CDK19: variants seen among roughly 807,000 people sequenced by gnomAD.
The protein encoded by CDK19 is cyclin-dependent kinase 19.
A neutral mutation model predicts 68.3 loss-of-function variants in CDK19; 20 were observed. The ratio of observed to expected loss-of-function variants is 0.29; its 90% CI spans 0.21 to 0.43. The LOEUF is 0.43. Ranked by LOEUF, CDK19 falls within the 20% of genes least tolerant of loss-of-function variation. The pLI, the probability that CDK19 is intolerant of heterozygous loss-of-function variation, is 1.00. For synonymous variants in CDK19, 221 were observed against 222.8 expected (o/e 0.99, Z 0.07); for missense variants, 339 against 623.5 (o/e 0.54, Z 4.86).
chr6:110,687,836 C>T (rs865785538), intron 2 of CDK19, among the ~76,000 whole-genome samples: 3 of 152,124 alleles, frequency 2.0e-5, no homozygotes, highest in Admixed American at 1.3e-4. Context: ...CCATAACTTT[C>T]GATAATTTTG....
chr6:110,649,559 T>C (rs1037159721), intron 4 of CDK19, among the ~76,000 whole-genome samples: 6 of 151,546 alleles, frequency 4.0e-5, no homozygotes, highest in African/African-American at 1.5e-4. Context: ...ATAAAGAAAA[T>C]AAATGACAAA....
At chr6:110,641,471 C>A (rs1780161812) in intron 4 of CDK19, among the ~76,000 whole-genome samples, 1 of 151,612 alleles carries the variant, frequency 6.6e-6, no homozygotes, top group Non-Finnish European at 1.5e-5. Flanking sequence ...GTGGCAGGCA[C>A]CTGTAGTCCC....
intron 2 of CDK19, among the ~76,000 whole-genome samples, chr6:110,717,912 G>A (rs1330527112): frequency 3.9e-5 from 6 of 152,184 alleles, no homozygotes; most frequent in East Asian, 3.9e-4. Context: ...TTTTGGTCAC[G>A]CTGGTCTCAA....
At chr6:110,640,231 C>CAAAAAA (rs59703376) in intron 4 of CDK19, among the ~76,000 whole-genome samples, 7 of 80,710 alleles carry the variant, frequency 8.7e-5, no homozygotes, top group Non-Finnish European at 1.4e-4. Flanking sequence ...GACCCTGTCA[C>CAAAAAA]AAAAAAAAAA....
At chr6:110,799,936 G>C (rs919353164) in intron 1 of CDK19, among the ~76,000 whole-genome samples, 3 of 152,148 alleles carry the variant, frequency 2.0e-5, no homozygotes, top group African/African-American at 7.2e-5. Flanking sequence ...GATTGAATCT[G>C]TGGATGCAGA....
chr6:110,779,178 C>T (rs1373159204), intron 1 of CDK19, among the ~76,000 whole-genome samples: 1 of 152,088 alleles, frequency 6.6e-6, no homozygotes, highest in African/African-American at 2.4e-5. Flanking sequence ...TTGACCTCTG[C>T]TTGTATCTGC....
At chr6:110,760,499 G>A (rs552374078) in intron 1 of CDK19, among the ~76,000 whole-genome samples, 8 of 151,740 alleles carry the variant, frequency 5.3e-5, no homozygotes, top group African/African-American at 1.5e-4. Flanking sequence ...AGGCTGAGGC[G>A]GGAGGATTAC....
At chr6:110,708,748 T>C (rs1373624029) in intron 2 of CDK19, among the ~76,000 whole-genome samples, 1 of 152,168 alleles carries the variant, frequency 6.6e-6, no homozygotes, top group African/African-American at 2.4e-5. Flanking sequence ...ATCATTTGGG[T>C]GTTTCAGCAA....
chr6:110,695,847 T>A (rs1773432398), intron 2 of CDK19, among the ~76,000 whole-genome samples: 1 of 151,066 alleles, frequency 6.6e-6, no homozygotes. Context: ...ATTAAAATAG[T>A]AATTAAAAAA....
chr6:110,621,429 A>C lies in CDK19; in HGVS notation c.1111-59T>G. On this transcript the variant is annotated intron_variant, in intron 11 of 12. Coordinates refer to ENST00000368911, the MANE Select transcript of CDK19 (RefSeq NM_015076.5). This position sits in a 1 kb window ranked among gnomAD's most constrained non-coding sequence, Gnocchi z 5.4. ...ACCAAATTAACAGGAGCTTTCTTTAATTATTTGATATGCACATGTGGCTGC... is the reference window on the plus strand; with the variant it reads ...ACCAAATTAACAGGAGCTTTCTTTACTTATTTGATATGCACATGTGGCTGC... 1.3e-6 allele frequency: 2 copies of C among 1,498,658 alleles called. No homozygotes were observed. Among genetic ancestry groups the C allele is most frequent in the Non-Finnish European group, 1.8e-6 (2 of 1,119,520 alleles). The allele number at this position is 1,498,658 out of a possible 1,614,324, so 92.8% of individuals were successfully genotyped here.
chr6:110,656,799 A>G (rs1278629853), intron 4 of CDK19, among the ~76,000 whole-genome samples: 1 of 152,236 alleles, frequency 6.6e-6, no homozygotes. Context: ...AAAAAGTTCA[A>G]TGTAAAACAA....
intron 3 of CDK19, among the ~76,000 whole-genome samples, chr6:110,668,537 T>C (rs1383448976): frequency 1.3e-5 from 2 of 152,040 alleles, no homozygotes; most frequent in African/African-American, 4.8e-5. Context: ...TTTTAACAGC[T>C]ACATTAAAAA....
chr6:110,654,924 A>G (rs987931759), intron 4 of CDK19, among the ~76,000 whole-genome samples: 2 of 151,536 alleles, frequency 1.3e-5, no homozygotes, highest in Non-Finnish European at 2.9e-5. Context: ...CTGGGCAATA[A>G]GAACAAAACT....
chr6:110,788,690 T>C (rs959765784), intron 1 of CDK19, among the ~76,000 whole-genome samples: 1 of 152,248 alleles, frequency 6.6e-6, no homozygotes, highest in Non-Finnish European at 1.5e-5. Flanking sequence ...TAGCAAAAAG[T>C]GCAAGGTTTT....
intron 12 of CDK19, among the ~76,000 whole-genome samples, chr6:110,615,337 T>A (rs886250436): frequency 6.6e-6 from 1 of 152,182 alleles, no homozygotes; most frequent in Non-Finnish European, 1.5e-5. Context: ...AATGAAACCT[T>A]CATCTTCATA....
intron 2 of CDK19, among the ~76,000 whole-genome samples, chr6:110,721,332 TATC>T (rs1224447582): frequency 6.6e-6 from 1 of 152,098 alleles, no homozygotes; most frequent in Non-Finnish European, 1.5e-5. Context: ...AGAGGAGTAA[TATC>T]ATATGTTAGA....
chr6:110,729,254 T>C (rs909326392), intron 2 of CDK19, among the ~76,000 whole-genome samples: 1 of 152,164 alleles, frequency 6.6e-6, no homozygotes, highest in Non-Finnish European at 1.5e-5. Flanking sequence ...CCCCAAACCA[T>C]TGCTTGTAGA....
intron 4 of CDK19, among the ~76,000 whole-genome samples, chr6:110,641,083 G>A (rs902330632): frequency 2.0e-5 from 3 of 152,152 alleles, no homozygotes; most frequent in African/African-American, 7.2e-5. Context: ...TACCTGAAAT[G>A]AGATTGGTTC....
intron 12 of CDK19, among the ~76,000 whole-genome samples, chr6:110,617,856 CAAAAAA>C (rs58620857): frequency 2.3e-4 from 4 of 17,360 alleles, no homozygotes; most frequent in Non-Finnish European, 9.4e-4. Context: ...GACTCTGTCT[CAAAAAA>C]AAAAAAAAAA....
Sources: allele counts gnomAD v4.1 joint callset (sites outside exome capture counted in the v4.1 genomes callset), GRCh38; gene constraint gnomAD v4.1.1; non-coding constraint Gnocchi (gnomAD v3.1); transcripts MANE v1.5; gene names NCBI Gene and HGNC (gene_info 2026-07-23, HGNC 2026-07-21).